GRIP1: variants seen among roughly 807,000 people sequenced by gnomAD.
GRIP1 encodes the protein glutamate receptor-interacting protein 1.
A neutral mutation model predicts 129.9 loss-of-function variants in GRIP1; 45 were observed. The ratio of observed to expected loss-of-function variants is 0.35; its 90% confidence interval spans 0.27 to 0.44. The LOEUF (loss-of-function observed/expected upper bound fraction) is 0.44. Among genes scored for constraint, GRIP1 ranks in the 20% least tolerant of loss-of-function variants. The pLI is 1.00. For synonymous variants in GRIP1, 530 were observed against 520.8 expected (o/e 1.02, Z -0.24); for missense variants, 1,196 against 1,396.8 (o/e 0.86, Z 2.29).
intron 1 of GRIP1, among the ~76,000 whole-genome samples, chr12:67,048,132 C>G (rs2043283342): frequency 6.6e-6 from 1 of 151,152 alleles, no homozygotes. Context: ...GCATGAGCTT[C>G]CTCTAGTCTT....
intron 1 of GRIP1, among the ~76,000 whole-genome samples, chr12:66,729,033 C>A (rs2036344774): frequency 6.7e-6 from 1 of 149,146 alleles, no homozygotes; most frequent in South Asian, 2.2e-4. Context: ...AGGATACATT[C>A]TTCAGACAAA....
At chr12:66,448,901 A>G (rs1000844345) in intron 11 of GRIP1, among the ~76,000 whole-genome samples, 2 of 152,074 alleles carry the variant, frequency 1.3e-5, no homozygotes, top group African/African-American at 2.4e-5. Flanking sequence ...CAAACTTTTC[A>G]ATTCTAGCAG....
intron 1 of GRIP1, among the ~76,000 whole-genome samples, chr12:66,887,694 A>C (rs946701760): frequency 1.3e-5 from 2 of 151,600 alleles, no homozygotes; most frequent in African/African-American, 4.8e-5. Flanking sequence ...ATCTCTTAAG[A>C]AACTAACCTC....
intron 9 of GRIP1, among the ~76,000 whole-genome samples, chr12:66,457,156 A>G (rs1301757185): frequency 6.6e-6 from 1 of 152,156 alleles, no homozygotes; most frequent in Non-Finnish European, 1.5e-5. Flanking sequence ...TTCAATATTA[A>G]GATTTGATAT....
chr12:66,630,537 A>G (rs1297853002), intron 1 of GRIP1, among the ~76,000 whole-genome samples: 1 of 152,182 alleles, frequency 6.6e-6, no homozygotes, highest in Non-Finnish European at 1.5e-5. Context: ...CAGGTGAGAA[A>G]AGTAAGTCTT....
At chr12:66,702,962 T>C in intron 1 of GRIP1, among the ~76,000 whole-genome samples, 1 of 152,166 alleles carries the variant, frequency 6.6e-6, no homozygotes, top group Non-Finnish European at 1.5e-5. Context: ...TTGTGCCATA[T>C]ACACCGTACT....
At chr12:66,946,775 G>GGGT (rs2041675492) in intron 1 of GRIP1, among the ~76,000 whole-genome samples, 1 of 112,216 alleles carries the variant, frequency 8.9e-6, no homozygotes, top group African/African-American at 3.7e-5. Flanking sequence ...TCGGGGGGTG[G>GGGT]GGTGGGGGAT....
intron 1 of GRIP1, among the ~76,000 whole-genome samples, chr12:66,901,990 G>A (rs1198532311): frequency 1.3e-5 from 2 of 152,168 alleles, no homozygotes; most frequent in Non-Finnish European, 2.9e-5. Flanking sequence ...GTGCATATGG[G>A]CAGAAAACAT....
At chr12:66,806,987 C>T (rs1366274787), upstream of GRIP1, among the ~76,000 whole-genome samples, 1 of 151,722 alleles carries the variant, frequency 6.6e-6, no homozygotes, top group African/African-American at 2.4e-5. Context: ...CTTGGGAAGC[C>T]AGGATAAGGA....
chr12:66,405,423 T>C (rs755450002), intron 16 of GRIP1, among the ~76,000 whole-genome samples: 4 of 152,228 alleles, frequency 2.6e-5, no homozygotes, highest in Admixed American at 2.6e-4. Flanking sequence ...TATATTCTTA[T>C]CATAATCAGA....
chr12:66,808,501 C>T (rs755319520), upstream of GRIP1, among the ~76,000 whole-genome samples: 12 of 151,984 alleles, frequency 7.9e-5, no homozygotes, highest in African/African-American at 1.9e-4. Flanking sequence ...TTGTTTGAGA[C>T]GGGTTTTCAC....
At chr12:66,953,495 C>T (rs1052252840) in intron 1 of GRIP1, among the ~76,000 whole-genome samples, 4 of 152,160 alleles carry the variant, frequency 2.6e-5, no homozygotes, top group East Asian at 3.9e-4. Context: ...CTTAGAGAGG[C>T]GTGTTGTTTT....
Position 66,984,932 on chromosome 12 carries a change from T to C in GRIP1, c.58+84118A>G, listed in dbSNP as rs139212286. 4.2e-3 allele frequency among the ~76,000 whole-genome samples: 639 copies of C among 152,298 alleles called. 8 individuals carry two copies. The highest frequency in any genetic ancestry group is 0.015 in the African/African-American group (606 of 41,576). On this transcript the variant is annotated intron_variant, in intron 1 of 1. Transcript: ENST00000643019. Reference sequence around the variant, plus strand: ...CATGAATCTGCAATCCAGGCAGGGCTCCTCTCTTATCCACATATTGTCAGC... The same window carrying C: ...CATGAATCTGCAATCCAGGCAGGGCCCCTCTCTTATCCACATATTGTCAGC...
At position 66,561,292 on chromosome 12, in the gene GRIP1, C is replaced by T. The variant is rs118036742; in HGVS notation, c.137-19342G>A. Among the ~76,000 whole-genome samples the T allele has an allele frequency of 8.4e-4, 128 of 151,940 alleles. 2 individuals are homozygous for T. In the East Asian group the frequency reaches 0.017, roughly 20 times the overall value. ...TGATAACACAGCAGGTGACTATAGT[C>T]GATAATAATTGTACATCTTAAAATA... On this transcript the variant is annotated intron_variant, in intron 2 of 24. Coordinates refer to ENST00000359742, the MANE Select transcript of GRIP1 (RefSeq NM_001366722.1).
At chr12:66,450,034 C>T (rs2058735038) in intron 11 of GRIP1, among the ~76,000 whole-genome samples, 1 of 151,974 alleles carries the variant, frequency 6.6e-6, no homozygotes, top group Non-Finnish European at 1.5e-5. Flanking sequence ...GGCGCGGTGG[C>T]TCACGCCTGT....
Position 66,444,782 on chromosome 12 carries a change from C to T in GRIP1, c.1542-53G>A, listed in dbSNP as rs2058574451. 4 of 1,587,184 alleles carry T rather than the reference C, an allele frequency of 2.5e-6. No homozygotes were observed. In the South Asian group the frequency reaches 4.4e-5, roughly 18 times the overall value. On this transcript the variant is annotated intron_variant, in intron 12 of 24. Transcript: ENST00000359742. ...GTAGATGGAGTAAATAATTACCAAG[C>T]TGAGCTTGCCAAATCTACCTTGCTT...
chr12:66,474,049 T>G (rs1385674886), intron 7 of GRIP1, among the ~76,000 whole-genome samples: 1 of 152,150 alleles, frequency 6.6e-6, no homozygotes, highest in Non-Finnish European at 1.5e-5. Flanking sequence ...TAAAGGAGCA[T>G]GTTCTAACCC....
intron 2 of GRIP1, among the ~76,000 whole-genome samples, chr12:66,580,321 C>T (rs1435364277): frequency 6.6e-6 from 1 of 150,510 alleles, no homozygotes; most frequent in East Asian, 2.0e-4. Flanking sequence ...ATGTAAAGAC[C>T]ATCGAGACTA....
At chr12:66,370,941 A>G (rs1402185083) in intron 23 of GRIP1, among the ~76,000 whole-genome samples, 2 of 152,132 alleles carry the variant, frequency 1.3e-5, no homozygotes, top group Non-Finnish European at 2.9e-5. Flanking sequence ...AGAGAACTCC[A>G]TGTCTCCTGA....
Sources: allele counts gnomAD v4.1 joint callset (sites outside exome capture counted in the v4.1 genomes callset), GRCh38; gene constraint gnomAD v4.1.1; transcripts MANE v1.5; gene names NCBI Gene and HGNC (gene_info 2026-07-23, HGNC 2026-07-21).